The following MIPOL1 variants were observed in gnomAD, a reference collection of about 807,000 sequenced individuals.
The protein encoded by MIPOL1 is mirror-image polydactyly 1, also known as mirror-image polydactyly gene 1 protein.
Under a neutral mutation model 60.9 loss-of-function variants are expected in MIPOL1, and 57 were observed. The ratio of observed to expected loss-of-function variants is 0.94; its 90% CI spans 0.76 to 1.17. The LOEUF (loss-of-function observed/expected upper bound fraction) is 1.17, where lower values mean the gene tolerates loss of function less well. Among genes scored for constraint, MIPOL1 ranks in the 50% most tolerant of loss-of-function variants. The pLI, the probability that MIPOL1 is intolerant of heterozygous loss-of-function variation, is 0.00. For synonymous variants in MIPOL1, 179 were observed against 168.8 expected (o/e 1.06, Z -0.47); for missense variants, 551 against 511.6 (o/e 1.08, Z -0.74).
At chr14:37,452,621 G>A (rs1389895868) in intron 11 of MIPOL1, among the ~76,000 whole-genome samples, 1 of 152,164 alleles carries the variant, frequency 6.6e-6, no homozygotes, top group African/African-American at 2.4e-5. Flanking sequence ...TTAGCCAGCT[G>A]AAAACTGTTC....
intron 9 of MIPOL1, 101 bp from the exon 10 acceptor site, chr14:37,369,416 C>A: frequency 1.5e-6 from 1 of 654,814 alleles, no homozygotes; most frequent in Non-Finnish European, 2.5e-6. Context: ...AAAACCTTGT[C>A]TTTTAGAGAA....
At chr14:37,408,816 A>G (rs997159084) in intron 10 of MIPOL1, among the ~76,000 whole-genome samples, 2 of 152,114 alleles carry the variant, frequency 1.3e-5, no homozygotes, top group Non-Finnish European at 2.9e-5. Flanking sequence ...CTGTTGCTAA[A>G]CTGCTAGGTC....
chr14:37,353,995 T>C (rs2091608558), intron 9 of MIPOL1, among the ~76,000 whole-genome samples: 1 of 152,032 alleles, frequency 6.6e-6, no homozygotes, highest in African/African-American at 2.4e-5. Context: ...TTAATTGTGA[T>C]GTTAGGGTGT....
chr14:37,227,210 G>A (rs895816075), intron 1 of MIPOL1, among the ~76,000 whole-genome samples: 1 of 152,128 alleles, frequency 6.6e-6, no homozygotes, highest in Non-Finnish European at 1.5e-5. Context: ...GGGATTTTTA[G>A]CATCTCTTAG....
intron 6 of MIPOL1, among the ~76,000 whole-genome samples, chr14:37,280,426 A>G (rs1439291390): frequency 6.6e-6 from 1 of 152,192 alleles, no homozygotes; most frequent in East Asian, 1.9e-4. Context: ...AGTAATTTAC[A>G]ATACCACCAA....
In MIPOL1 at chr14:37,303,922, A is replaced by G. The variant is rs998627794; in HGVS notation, c.624-4134A>G. Among the ~76,000 whole-genome samples, 4 of 151,786 alleles carry G rather than the reference A, an allele frequency of 2.6e-5. No individual in the cohort carries two copies. The South Asian group carries it at 8.3e-4, about 31-fold the overall frequency. On this transcript the variant is annotated intron_variant, in intron 7 of 12. Transcript: ENST00000684589. ...AGGAGTTCAGGTAGGGGGAAGAGTC[A>G]GGGAAGGCCACACATACCAAGCAAG...
At chr14:37,317,168 A>C (rs1466650962) in intron 9 of MIPOL1, among the ~76,000 whole-genome samples, 3 of 152,188 alleles carry the variant, frequency 2.0e-5, no homozygotes. Flanking sequence ...CAAGTTGATA[A>C]ATTTAGTAAA....
chr14:37,321,226 T>G (rs1283021743), intron 9 of MIPOL1, among the ~76,000 whole-genome samples: 1 of 152,056 alleles, frequency 6.6e-6, no homozygotes, highest in Non-Finnish European at 1.5e-5. Flanking sequence ...ACTTTTTTCT[T>G]TATATACTGC....
intron 6 of MIPOL1, among the ~76,000 whole-genome samples, chr14:37,271,671 A>G (rs1296344927): frequency 1.3e-5 from 2 of 151,842 alleles, no homozygotes; most frequent in African/African-American, 2.4e-5. Flanking sequence ...AAAAATAAGC[A>G]TTTCAAATAT....
At chr14:37,349,020 G>A (rs772569560) in intron 9 of MIPOL1, among the ~76,000 whole-genome samples, 3 of 112,162 alleles carry the variant, frequency 2.7e-5, no homozygotes, top group Admixed American at 2.7e-4. Context: ...ATGGAGTTTC[G>A]CTCTGTTGCC....
chr14:37,402,226 G>A (rs2093497126), intron 10 of MIPOL1, among the ~76,000 whole-genome samples: 1 of 151,892 alleles, frequency 6.6e-6, no homozygotes, highest in Non-Finnish European at 1.5e-5. Flanking sequence ...CTGATTTTAA[G>A]GTATACATTT....
Position 37,422,841 on chromosome 14 carries a change from T to C in MIPOL1, c.937-14T>C. On this transcript the variant is annotated splice_polypyrimidine_tract_variant and intron_variant, in intron 10 of 12. Coordinates refer to ENST00000684589, the MANE Select transcript of MIPOL1 (RefSeq NM_001388067.1). ...AATGAATACTGAATTTCTTAAAATA[T>C]TAATTACTTTTAGGCAAAGTTGTTA... The C allele has an allele frequency of 6.5e-7, 1 of 1,547,786 alleles. No homozygotes were observed. The highest frequency in any genetic ancestry group is 8.8e-7 in the Non-Finnish European group (1 of 1,130,356).
At chr14:37,449,827 T>C (rs1303740362) in intron 11 of MIPOL1, among the ~76,000 whole-genome samples, 2 of 151,938 alleles carry the variant, frequency 1.3e-5, no homozygotes, top group Non-Finnish European at 2.9e-5. Context: ...TAATTTATTT[T>C]TTTGAGACAG....
intron 12 of MIPOL1, among the ~76,000 whole-genome samples, chr14:37,539,522 T>C (rs954307014): frequency 2.0e-5 from 3 of 152,160 alleles, no homozygotes; most frequent in Admixed American, 2.0e-4. Context: ...ACTGGATTGT[T>C]GTATAGGACT....
At chr14:37,368,276 A>G (rs996033834) in intron 9 of MIPOL1, among the ~76,000 whole-genome samples, 1 of 152,106 alleles carries the variant, frequency 6.6e-6, no homozygotes, top group African/African-American at 2.4e-5. Flanking sequence ...ACTCAATTTC[A>G]TATTTGTACA....
intron 9 of MIPOL1, among the ~76,000 whole-genome samples, chr14:37,365,005 T>G (rs2092421126): frequency 6.6e-6 from 1 of 152,170 alleles, no homozygotes; most frequent in Non-Finnish European, 1.5e-5. Context: ...TTTTCAGATT[T>G]TTCACTGTTG....
intron 7 of MIPOL1, among the ~76,000 whole-genome samples, chr14:37,290,675 C>T (rs908595394): frequency 6.6e-6 from 1 of 152,072 alleles, no homozygotes; most frequent in African/African-American, 2.4e-5. Flanking sequence ...TTATTTGATT[C>T]TTCCTTTATT....
At chr14:37,262,044 G>A (rs1246408494) in intron 3 of MIPOL1, among the ~76,000 whole-genome samples, 2 of 135,276 alleles carry the variant, frequency 1.5e-5, no homozygotes, top group African/African-American at 5.2e-5. Flanking sequence ...TGTTATGTGG[G>A]GGGAAAAACA....
intron 7 of MIPOL1, among the ~76,000 whole-genome samples, chr14:37,302,087 C>T (rs2086311822): frequency 7.0e-6 from 1 of 143,466 alleles, no homozygotes; most frequent in Non-Finnish European, 1.5e-5. Flanking sequence ...TTTGTCTGGA[C>T]ATATATTTTC....
Sources: gnomAD v4.1 joint callset for allele counts (sites outside exome capture counted in the v4.1 genomes callset) on GRCh38, gnomAD v4.1.1 for gene constraint, MANE v1.5 for transcripts, NCBI Gene and HGNC (gene_info 2026-07-23, HGNC 2026-07-21) for gene names.